Variants in ARPP21 observed in about 807,000 individuals in gnomAD.
The protein encoded by ARPP21 is cAMP regulated phosphoprotein 21, also known as cAMP-regulated phosphoprotein 21.
ARPP21 carries 69 observed loss-of-function variants against 113.2 expected under a neutral mutation model. The ratio of observed to expected loss-of-function variants is 0.61; its 90% CI spans 0.50 to 0.74. The LOEUF is 0.74. ARPP21 is among the 30% of genes least tolerant of loss of function. ARPP21 has a pLI of 0.00. For synonymous variants in ARPP21, 368 were observed against 375.5 expected (o/e 0.98, Z 0.23); for missense variants, 1,070 against 1,037.4 (o/e 1.03, Z -0.43).
intron 7 of ARPP21, 129 bp from the exon 8 acceptor site, chr3:35,689,952 A>C: frequency 1.7e-6 from 1 of 588,214 alleles, no homozygotes; most frequent in Non-Finnish European, 3.0e-6. Context: ...GCATATTCCA[A>C]AGAAGAGTTA....
intron 19 of ARPP21, among the ~76,000 whole-genome samples, chr3:35,774,161 A>G (rs371775912): frequency 6.6e-6 from 1 of 152,214 alleles, no homozygotes; most frequent in Non-Finnish European, 1.5e-5. Context: ...GTGCGCCTAT[A>G]GTCCCAGCTA....
At chr3:35,699,438 T>C (rs1248625006) in intron 9 of ARPP21, among the ~76,000 whole-genome samples, 1 of 151,696 alleles carries the variant, frequency 6.6e-6, no homozygotes, top group Non-Finnish European at 1.5e-5. Flanking sequence ...GTATAATGAA[T>C]ATGATAATAA....
At chr3:35,791,034 T>C (rs1405046661) in intron 19 of ARPP21, among the ~76,000 whole-genome samples, 2 of 152,202 alleles carry the variant, frequency 1.3e-5, no homozygotes, top group Non-Finnish European at 2.9e-5. Flanking sequence ...TTCTATCTCA[T>C]TTGATGAACT....
At position 35,791,891 on chromosome 3, in the gene ARPP21, A is replaced by G. The variant is rs538977620; in HGVS notation, c.2138-491A>G. ...ATTTGGTTCACTAGGACATAAAAAA[A>G]TAGAATTTATCCAAAGTTAATGGGC... is the stretch of plus-strand genomic sequence containing the variant. On this transcript the variant is annotated intron_variant, in intron 19 of 20. Coordinates refer to ENST00000684406, the MANE Select transcript of ARPP21 (RefSeq NM_001385562.1). Among the ~76,000 whole-genome samples the G allele has an allele frequency of 1.2e-3, 187 of 152,324 alleles. 1 individual carries two copies. The highest frequency in any genetic ancestry group is 3.8e-3 in the African/African-American group (160 of 41,584).
intron 15 of ARPP21, among the ~76,000 whole-genome samples, chr3:35,731,202 A>C (rs993144607): frequency 2.0e-5 from 3 of 152,196 alleles, no homozygotes; most frequent in African/African-American, 7.2e-5. Context: ...TTTAGGGTAC[A>C]ATGCAGGAAT....
At position 35,681,895 on chromosome 3, in the gene ARPP21, A is replaced by G. The variant is rs200628928; in HGVS notation, c.129+15A>G. 24 of 1,611,108 alleles carry G rather than the reference A, an allele frequency of 1.5e-5. No homozygotes were observed. Among genetic ancestry groups the G allele is most frequent in the Non-Finnish European group, 2.0e-5 (24 of 1,178,292 alleles). ...TGGAACTGCAGGTGAGTGAGCATGA[A>G]GAGACCCTGACTCTCATACAACTGT... On this transcript the variant is annotated intron_variant, in intron 3 of 20. Coordinates refer to ENST00000684406, the MANE Select transcript of ARPP21 (RefSeq NM_001385562.1).
intron 19 of ARPP21, among the ~76,000 whole-genome samples, chr3:35,771,315 C>T (rs1484952193): frequency 2.0e-5 from 3 of 151,838 alleles, no homozygotes; most frequent in East Asian, 3.9e-4. Context: ...TATCACATAA[C>T]ATCAGAAGGT....
chr3:35,669,944 C>T (rs17201655), intron 1 of ARPP21, among the ~76,000 whole-genome samples: 155 of 152,042 alleles, frequency 1.0e-3, no homozygotes, highest in African/African-American at 3.6e-3. Flanking sequence ...ACTGCATGGA[C>T]CATTCAGCCC....
intron 9 of ARPP21, among the ~76,000 whole-genome samples, chr3:35,695,917 C>G (rs1291900069): frequency 6.6e-6 from 1 of 151,544 alleles, no homozygotes; most frequent in Non-Finnish European, 1.5e-5. Flanking sequence ...AGTGAATTGT[C>G]TAAAGTCATA....
At chr3:35,714,382 A>G (rs899487391) in intron 11 of ARPP21, among the ~76,000 whole-genome samples, 2 of 152,228 alleles carry the variant, frequency 1.3e-5, no homozygotes, top group Non-Finnish European at 2.9e-5. Flanking sequence ...AAGTGGTTAC[A>G]TTAGCAGGAT....
chr3:35,717,860 T>A, intron 13 of ARPP21, among the ~76,000 whole-genome samples: 1 of 152,144 alleles, frequency 6.6e-6, no homozygotes, highest in Non-Finnish European at 1.5e-5. Flanking sequence ...AATTAAAATC[T>A]GTGTAGGATA....
rs563243125 is a variant in ARPP21 at position 35,683,713 on chromosome 3, T to TC, written c.172-7dup. 25 of 968,606 alleles carry TC rather than the reference T, an allele frequency of 2.6e-5. No individual in the cohort carries two copies. The highest frequency in any genetic ancestry group is 1.4e-4 in the East Asian group (6 of 41,466). The allele number at this position is 968,606 out of a possible 1,614,324, so 60.0% of individuals were successfully genotyped here. On this transcript the variant is annotated splice_polypyrimidine_tract_variant and intron_variant, in intron 4 of 20. Transcript: ENST00000684406. ...TATTTTCCTTTCCTTCCCTTTTCTT[T>TC]CCCCCCTCCTAGTCAGGAGCAGGAA...
intron 11 of ARPP21, among the ~76,000 whole-genome samples, chr3:35,709,387 C>T (rs867126923): frequency 5.3e-5 from 8 of 152,204 alleles, no homozygotes; most frequent in Middle Eastern, 3.4e-3. Flanking sequence ...TCCACATTAG[C>T]CAGCAGATTA....
At chr3:35,757,649 A>G (rs909390013) in intron 19 of ARPP21, among the ~76,000 whole-genome samples, 2 of 152,144 alleles carry the variant, frequency 1.3e-5, no homozygotes, top group African/African-American at 4.8e-5. Flanking sequence ...AAAACAATGC[A>G]GTGCATAAAG....
chr3:35,707,508 A>G (rs1403367753), intron 10 of ARPP21: 1 of 459,776 alleles, frequency 2.2e-6, no homozygotes, highest in Admixed American at 2.3e-5. Context: ...CCGATGATCA[A>G]CCGGTGTAGC....
chr3:35,685,520 G>T, intron 5 of ARPP21: 3 of 985,258 alleles, frequency 3.0e-6, no homozygotes, highest in Non-Finnish European at 1.2e-6. Context: ...CTTACAAAAT[G>T]TGCGGACTGA....
chr3:35,682,996 A>G, intron 4 of ARPP21, 107 bp downstream of exon 4: 1 of 1,089,486 alleles, frequency 9.2e-7, no homozygotes, highest in Non-Finnish European at 1.3e-6. Context: ...GTGTCCAGAT[A>G]TTGTGGGGCA....
intron 19 of ARPP21, among the ~76,000 whole-genome samples, chr3:35,752,130 A>G (rs1321508765): frequency 6.6e-6 from 1 of 152,098 alleles, no homozygotes; most frequent in Non-Finnish European, 1.5e-5. Context: ...GTTGCAATGA[A>G]CTAAAAATAC....
intron 9 of ARPP21, 149 bp downstream of exon 9, chr3:35,691,154 T>A: frequency 2.4e-6 from 2 of 847,510 alleles, no homozygotes; most frequent in Non-Finnish European, 3.4e-6. Flanking sequence ...GTGGCATTTA[T>A]CTGTAGAAGA....
Sources: gnomAD v4.1 joint callset for allele counts (sites outside exome capture counted in the v4.1 genomes callset) on GRCh38, gnomAD v4.1.1 for gene constraint, MANE v1.5 for transcripts, NCBI Gene and HGNC (gene_info 2026-07-23, HGNC 2026-07-21) for gene names.